TNRC6B: variants seen among roughly 807,000 people sequenced by gnomAD.
TNRC6B encodes the protein trinucleotide repeat-containing gene 6B protein.
In TNRC6B, 52 loss-of-function variants were observed where a neutral mutation model predicts 203.6. The observed-to-expected ratio is 0.26, with a 90% confidence interval of 0.20 to 0.32. The LOEUF (loss-of-function observed/expected upper bound fraction) is 0.32. Ranked by LOEUF, TNRC6B falls within the 10% of genes least tolerant of loss-of-function variation. TNRC6B has a pLI of 1.00. For synonymous variants in TNRC6B, 838 were observed against 845.7 expected, an observed-to-expected ratio of 0.99 and a Z score of 0.16; for missense variants, 1,923 against 2,286.2, an observed-to-expected ratio of 0.84 and a Z score of 3.24.
intron 3 of TNRC6B, among the ~76,000 whole-genome samples, chr22:40,132,950 A>AAAAATAAAAAAAAT (rs2068562140): frequency 1.1e-5 from 1 of 91,472 alleles, no homozygotes; most frequent in East Asian, 2.4e-4. Flanking sequence ...TCTCAAAAAA[A>AAAAATAAAAAAAAT]AAAAAAAAAA....
upstream of TNRC6B, among the ~76,000 whole-genome samples, chr22:40,176,294 A>G (rs2069058141): frequency 6.6e-6 from 1 of 151,890 alleles, no homozygotes; most frequent in Admixed American, 6.5e-5. Flanking sequence ...ACGCTGGCTA[A>G]TTTTGTATTT....
chr22:40,158,889 G>A (rs1275510607), intron 4 of TNRC6B, among the ~76,000 whole-genome samples: 1 of 152,134 alleles, frequency 6.6e-6, no homozygotes, highest in African/African-American at 2.4e-5. Flanking sequence ...TTAAATCTCA[G>A]AACTGCAGTT....
At chr22:40,278,751 A>AT (rs1196280645) in intron 9 of TNRC6B, among the ~76,000 whole-genome samples, 3 of 152,002 alleles carry the variant, frequency 2.0e-5, no homozygotes, top group African/African-American at 7.3e-5. Context: ...TTATTTATTG[A>AT]TTTTTTGAGA....
At chr22:40,141,807 C>T (rs937286542) in intron 3 of TNRC6B, among the ~76,000 whole-genome samples, 15 of 152,036 alleles carry the variant, frequency 9.9e-5, no homozygotes, top group Non-Finnish European at 1.0e-4. Context: ...CAGTGTCTTG[C>T]TCTGTCACCC....
At chr22:40,090,538 T>A (rs1448863758) in intron 1 of TNRC6B, among the ~76,000 whole-genome samples, 1 of 152,184 alleles carries the variant, frequency 6.6e-6, no homozygotes, top group African/African-American at 2.4e-5. Context: ...TCAGGTTGTT[T>A]ATTTTTTATT....
intron 3 of TNRC6B, among the ~76,000 whole-genome samples, chr22:40,154,863 AT>A (rs1569000861): frequency 9.0e-3 from 254 of 28,326 alleles, no homozygotes; most frequent in Non-Finnish European, 0.012. Flanking sequence ...AAAAAAAAAT[AT>A]ATATATATAT....
chr22:40,157,352 A>AT (rs901187410), intron 4 of TNRC6B, among the ~76,000 whole-genome samples: 1 of 151,964 alleles, frequency 6.6e-6, no homozygotes, highest in Non-Finnish European at 1.5e-5. Context: ...TCTCATTCAT[A>AT]TTTTTTTTCC....
intron 4 of TNRC6B, among the ~76,000 whole-genome samples, chr22:40,263,768 T>G (rs767156049): frequency 6.6e-6 from 1 of 152,338 alleles, no homozygotes; most frequent in Non-Finnish European, 1.5e-5. Context: ...CTCTGCCTAA[T>G]TCATACTCAT....
intron 6 of TNRC6B, among the ~76,000 whole-genome samples, 195 bp downstream of exon 6, chr22:40,270,475 A>G (rs1277799952): frequency 1.3e-5 from 2 of 151,656 alleles, no homozygotes; most frequent in Non-Finnish European, 2.9e-5. Flanking sequence ...GCCCGCCACC[A>G]CGCCCGGCTA....
intron 4 of TNRC6B, among the ~76,000 whole-genome samples, chr22:40,167,843 C>T (rs1397208125): frequency 4.0e-5 from 6 of 151,866 alleles, no homozygotes; most frequent in Non-Finnish European, 5.9e-5. Flanking sequence ...TGATTGTAGC[C>T]GGGGCAACAG....
At chr22:40,218,832 G>A (rs544935072) in intron 1 of TNRC6B, among the ~76,000 whole-genome samples, 1 of 152,172 alleles carries the variant, frequency 6.6e-6, no homozygotes, top group African/African-American at 2.4e-5. Context: ...AGAGGAGATG[G>A]GGATAAAAGT....
chr22:40,206,204 C>A (rs2073190621), intron 1 of TNRC6B, among the ~76,000 whole-genome samples: 1 of 151,912 alleles, frequency 6.6e-6, no homozygotes, highest in African/African-American at 2.4e-5. Flanking sequence ...ACTAAAATAT[C>A]TGATTTCTGT....
At chr22:40,087,955 G>A (rs1328800515) in intron 1 of TNRC6B, among the ~76,000 whole-genome samples, 1 of 152,112 alleles carries the variant, frequency 6.6e-6, no homozygotes, top group African/African-American at 2.4e-5. Context: ...GAGATGCTGG[G>A]AACTCTGAGT....
chr22:40,100,559 T>C (rs1044556192), intron 1 of TNRC6B, among the ~76,000 whole-genome samples: 1 of 152,122 alleles, frequency 6.6e-6, no homozygotes, highest in South Asian at 2.1e-4. Context: ...AAAAAAAAAA[T>C]TTATAGACAT....
intron 1 of TNRC6B, among the ~76,000 whole-genome samples, chr22:40,189,190 C>T (rs564914425): frequency 3.9e-5 from 6 of 152,214 alleles, no homozygotes; most frequent in South Asian, 2.1e-4. Flanking sequence ...CTGATCAAAC[C>T]GAATTGGCCA....
Position 40,303,675 on chromosome 22 carries a change from G to C in TNRC6B, c.4120+2342G>C, listed in dbSNP as rs895710570. Among the ~76,000 whole-genome samples, 15 of 152,218 alleles carry C rather than the reference G, an allele frequency of 9.9e-5. No homozygotes were observed. The Middle Eastern group carries it at 0.01, about 104-fold the overall frequency. On this transcript the variant is annotated intron_variant, in intron 15 of 22. Coordinates refer to ENST00000454349, the MANE Select transcript of TNRC6B (RefSeq NM_001162501.2). Reference sequence around the variant, plus strand: ...ACCTGTAATCCCAGCACTTTGGGAGGCGGAGGAGGGCAGATCACTTGAGGT... The same window carrying C: ...ACCTGTAATCCCAGCACTTTGGGAGCCGGAGGAGGGCAGATCACTTGAGGT...
At chr22:40,269,180 C>T (rs1412334298) in intron 5 of TNRC6B, among the ~76,000 whole-genome samples, 1 of 113,368 alleles carries the variant, frequency 8.8e-6, no homozygotes, top group Non-Finnish European at 1.6e-5. Flanking sequence ...GTCTCCCAGG[C>T]TGGAGTGCAG....
At chr22:40,153,301 C>G (rs909454945) in intron 3 of TNRC6B, among the ~76,000 whole-genome samples, 1 of 152,006 alleles carries the variant, frequency 6.6e-6, no homozygotes, top group African/African-American at 2.4e-5. Flanking sequence ...GATGCTCCAG[C>G]TTAGGAGAAA....
chr22:40,100,160 T>C (rs1207368976), intron 1 of TNRC6B, among the ~76,000 whole-genome samples: 1 of 151,826 alleles, frequency 6.6e-6, no homozygotes, highest in Non-Finnish European at 1.5e-5. Context: ...GATCTTGGCT[T>C]ACTGCAATCT....
Sources: allele counts gnomAD v4.1 joint callset (sites outside exome capture counted in the v4.1 genomes callset), GRCh38; gene constraint gnomAD v4.1.1; transcripts MANE v1.5; gene names NCBI Gene and HGNC (gene_info 2026-07-23, HGNC 2026-07-21).